SNX25: variants seen among roughly 807,000 people sequenced by gnomAD.
SNX25 encodes the protein sorting nexin-25.
In SNX25, 62 loss-of-function variants were observed where a neutral mutation model predicts 113.7. That is an observed-to-expected ratio of 0.55 (90% CI 0.44 to 0.67). The LOEUF is 0.67. Among genes scored for constraint, SNX25 ranks in the 30% least tolerant of loss-of-function variants. The probability of loss-of-function intolerance (pLI) is 0.00; values close to 1 mark genes in which losing one functional copy is unlikely to be tolerated. For synonymous variants in SNX25, 421 were observed against 436.2 expected, an observed-to-expected ratio of 0.97 and a Z score of 0.43; for missense variants, 1,014 against 1,161.0, an observed-to-expected ratio of 0.87 and a Z score of 1.84.
intron 1 of SNX25, among the ~76,000 whole-genome samples, chr4:185,216,943 G>C (rs1318910131): frequency 6.6e-6 from 1 of 152,196 alleles, no homozygotes; most frequent in Non-Finnish European, 1.5e-5. Context: ...TGACTTACCA[G>C]TGAGTATATG....
At chr4:185,249,501 C>A (rs1560933718) in intron 2 of SNX25, among the ~76,000 whole-genome samples, 1 of 152,068 alleles carries the variant, frequency 6.6e-6, no homozygotes, top group Non-Finnish European at 1.5e-5. Context: ...TATCTGGATT[C>A]ATGTCTTTTG....
At chr4:185,222,197 A>G (rs575905616) in intron 1 of SNX25, among the ~76,000 whole-genome samples, 2 of 151,350 alleles carry the variant, frequency 1.3e-5, no homozygotes, top group South Asian at 2.2e-4. Flanking sequence ...ATTCAGCTCC[A>G]TATAACCCTC....
chr4:185,246,175 C>T (rs1435396057), intron 1 of SNX25, among the ~76,000 whole-genome samples: 4 of 152,194 alleles, frequency 2.6e-5, no homozygotes, highest in African/African-American at 9.7e-5. Context: ...GTCCCAGCTA[C>T]TCTGGAGGCT....
chr4:185,294,703 A>T (rs1752615369), intron 6 of SNX25, among the ~76,000 whole-genome samples: 1 of 152,204 alleles, frequency 6.6e-6, no homozygotes, highest in African/African-American at 2.4e-5. Context: ...AGAACAATGT[A>T]TTAACAATCT....
chr4:185,252,168 C>A (rs942402581), intron 2 of SNX25, among the ~76,000 whole-genome samples: 3 of 152,040 alleles, frequency 2.0e-5, no homozygotes, highest in Non-Finnish European at 2.9e-5. Context: ...ATAACAACAA[C>A]AAACAAAACT....
chr4:185,368,399 C>G (rs1045342617), downstream of SNX25, among the ~76,000 whole-genome samples: 16 of 152,144 alleles, frequency 1.1e-4, no homozygotes, highest in African/African-American at 3.4e-4. Flanking sequence ...TCTGCCATAA[C>G]ACACTGCCTG....
At chr4:185,240,412 C>T (rs1373625831) in intron 1 of SNX25, among the ~76,000 whole-genome samples, 1 of 149,644 alleles carries the variant, frequency 6.7e-6, no homozygotes, top group East Asian at 2.0e-4. Flanking sequence ...CCCCCACCTC[C>T]CTCCCGGATG....
intron 1 of SNX25, among the ~76,000 whole-genome samples, chr4:185,212,515 A>T (rs1738101351): frequency 6.7e-5 from 3 of 45,092 alleles, no homozygotes; most frequent in Non-Finnish European, 9.8e-5. Flanking sequence ...TTGCTTTGAG[A>T]CAGGGTCTGC....
At chr4:185,353,691 G>A in intron 15 of SNX25, 89 bp downstream of exon 15, 1 of 993,322 alleles carries the variant, frequency 1.0e-6, no homozygotes, top group South Asian at 1.3e-5. Context: ...TCCCTTTATT[G>A]CTGAAATGCA....
chr4:185,290,984 G>C (rs768710125), intron 6 of SNX25, among the ~76,000 whole-genome samples: 7 of 152,220 alleles, frequency 4.6e-5, no homozygotes, highest in Non-Finnish European at 7.3e-5. Context: ...GTTAGTGCTT[G>C]GCTGTACACA....
At chr4:185,348,222 A>G (rs1237475706) in intron 13 of SNX25, among the ~76,000 whole-genome samples, 2 of 152,192 alleles carry the variant, frequency 1.3e-5, no homozygotes, top group Non-Finnish European at 2.9e-5. Flanking sequence ...TCTCAGAGGC[A>G]TGGAACTTTG....
intron 6 of SNX25, among the ~76,000 whole-genome samples, chr4:185,295,381 G>T (rs556334471): frequency 3.2e-4 from 48 of 151,806 alleles, no homozygotes; most frequent in African/African-American, 1.1e-3. Context: ...CTGTATTTGT[G>T]AATGTAGTAT....
intron 15 of SNX25, among the ~76,000 whole-genome samples, 171 bp downstream of exon 15, chr4:185,353,773 C>T (rs1435287033): frequency 5.9e-5 from 9 of 152,132 alleles, no homozygotes; most frequent in East Asian, 3.9e-4. Context: ...AGGCCGGGCA[C>T]GGTGGCTCAC....
intron 6 of SNX25, among the ~76,000 whole-genome samples, chr4:185,298,066 T>C (rs1407148832): frequency 6.6e-6 from 1 of 151,600 alleles, no homozygotes; most frequent in Non-Finnish European, 1.5e-5. Flanking sequence ...TTACCACCAG[T>C]CGCCCTCTTA....
chr4:185,313,689 G>C (rs1003037342), intron 7 of SNX25, among the ~76,000 whole-genome samples: 1 of 152,250 alleles, frequency 6.6e-6, no homozygotes, highest in East Asian at 1.9e-4. Context: ...CCACTTACAG[G>C]AATTATGTAC....
chr4:185,309,043 G>A (rs1754884997), intron 6 of SNX25, among the ~76,000 whole-genome samples: 1 of 152,228 alleles, frequency 6.6e-6, no homozygotes, highest in Non-Finnish European at 1.5e-5. Context: ...TCTTCTCTGT[G>A]TCACGTGACG....
chr4:185,328,189 T>C (rs1401126670), intron 9 of SNX25, among the ~76,000 whole-genome samples: 2 of 152,128 alleles, frequency 1.3e-5, no homozygotes, highest in African/African-American at 4.8e-5. Flanking sequence ...AATTTCCCAA[T>C]TGGATTATTG....
chr4:185,272,382 A>G (rs1221591420), intron 5 of SNX25, among the ~76,000 whole-genome samples: 2 of 152,250 alleles, frequency 1.3e-5, no homozygotes, highest in Admixed American at 1.3e-4. Flanking sequence ...ACATTACAGT[A>G]GAAATGAAAG....
At chr4:185,313,625 T>C (rs2095048102) in intron 7 of SNX25, among the ~76,000 whole-genome samples, 2 of 152,188 alleles carry the variant, frequency 1.3e-5, no homozygotes, top group Admixed American at 1.3e-4. Context: ...CCACAATTAT[T>C]TGTGGGATAC....
Sources: allele counts gnomAD v4.1 joint callset (sites outside exome capture counted in the v4.1 genomes callset), GRCh38; gene constraint gnomAD v4.1.1; transcripts MANE v1.5; gene names NCBI Gene and HGNC (gene_info 2026-07-23, HGNC 2026-07-21).